Variants in TRAK1 observed in about 807,000 individuals in gnomAD.
TRAK1 encodes the protein trafficking kinesin-binding protein 1.
TRAK1 carries 33 observed loss-of-function variants against 92.1 expected under a neutral mutation model. The ratio of observed to expected loss-of-function variants is 0.36; its 90% CI spans 0.27 to 0.48. The LOEUF (loss-of-function observed/expected upper bound fraction) is 0.48, where lower values mean the gene tolerates loss of function less well. TRAK1 is among the 20% of genes least tolerant of loss of function. The pLI is 0.99. For synonymous variants in TRAK1, 521 were observed against 517.3 expected, an observed-to-expected ratio of 1.01 and a Z score of -0.10; for missense variants, 1,123 against 1,257.9, an observed-to-expected ratio of 0.89 and a Z score of 1.62.
chr3:42,215,138 A>G (rs1387618670), intron 14 of TRAK1, among the ~76,000 whole-genome samples: 1 of 152,186 alleles, frequency 6.6e-6, no homozygotes, highest in Non-Finnish European at 1.5e-5. Flanking sequence ...TTTCCCCCTG[A>G]AAATATCATG....
upstream of TRAK1, chr3:42,013,682 C>T (rs1701396578): frequency 1.4e-5 from 2 of 147,264 alleles, no homozygotes; most frequent in Non-Finnish European, 3.0e-5. The surrounding 1 kb of genome is among the most constrained non-coding windows in gnomAD (Gnocchi z 5.1). Flanking sequence ...CGCGGCGGCG[C>T]CCGCAACAGT....
intron 1 of TRAK1, among the ~76,000 whole-genome samples, chr3:42,045,397 T>C (rs961509547): frequency 4.6e-5 from 7 of 152,092 alleles, no homozygotes; most frequent in African/African-American, 1.2e-4. Flanking sequence ...TAGCCAGGCA[T>C]AGTGGCGCGT....
At chr3:42,198,668 T>G (rs1707096530) in intron 10 of TRAK1, among the ~76,000 whole-genome samples, 1 of 152,018 alleles carries the variant, frequency 6.6e-6, no homozygotes, top group African/African-American at 2.4e-5. Context: ...TTGGAGGCCC[T>G]TGGTCTATTC....
At chr3:42,163,604 G>T (rs1576721207) in intron 2 of TRAK1, among the ~76,000 whole-genome samples, 1 of 151,908 alleles carries the variant, frequency 6.6e-6, no homozygotes, top group Non-Finnish European at 1.5e-5. Flanking sequence ...ACCTTCTTGG[G>T]TCCCACTCCA....
intron 2 of TRAK1, among the ~76,000 whole-genome samples, chr3:42,138,494 C>T (rs577832453): frequency 1.3e-5 from 2 of 151,926 alleles, no homozygotes; most frequent in African/African-American, 2.4e-5. Context: ...AAAAACAAAA[C>T]AAGATTTAAA....
chr3:42,089,678 C>CG (rs201243489), upstream of TRAK1, among the ~76,000 whole-genome samples: 3,134 of 148,752 alleles, frequency 0.021, 121 homozygotes, highest in African/African-American at 0.073. Context: ...TTTTGTGACC[C>CG]CCCCCCAATA....
At chr3:42,023,844 C>T (rs1321772798) in intron 1 of TRAK1, among the ~76,000 whole-genome samples, 2 of 148,236 alleles carry the variant, frequency 1.3e-5, no homozygotes, top group Non-Finnish European at 3.0e-5. Flanking sequence ...GCCTCCGTCT[C>T]CCGGGTTCAA....
At chr3:42,097,149 A>C (rs1410940786) in intron 1 of TRAK1, among the ~76,000 whole-genome samples, 1 of 152,194 alleles carries the variant, frequency 6.6e-6, no homozygotes, top group South Asian at 2.1e-4. Context: ...CTTAGCATAC[A>C]TCCATCATAT....
intron 2 of TRAK1, among the ~76,000 whole-genome samples, chr3:42,131,056 G>A (rs1468283904): frequency 1.3e-5 from 2 of 152,138 alleles, no homozygotes; most frequent in African/African-American, 4.8e-5. Context: ...TTGGTTTTAT[G>A]GGGCAACGAA....
intron 2 of TRAK1, among the ~76,000 whole-genome samples, chr3:42,167,114 G>GC (rs1171861242): frequency 6.6e-6 from 1 of 152,208 alleles, no homozygotes; most frequent in Non-Finnish European, 1.5e-5. Flanking sequence ...GGCTTATCAT[G>GC]CCCCCTCAGG....
intron 1 of TRAK1, among the ~76,000 whole-genome samples, chr3:42,093,491 A>C (rs1308689409): frequency 6.6e-6 from 1 of 151,990 alleles, no homozygotes; most frequent in South Asian, 2.1e-4. Flanking sequence ...TTAAAATGTC[A>C]TTTGTAAGTT....
At chr3:42,186,682 C>T (rs1704904614) in intron 4 of TRAK1, among the ~76,000 whole-genome samples, 1 of 152,216 alleles carries the variant, frequency 6.6e-6, no homozygotes, top group Non-Finnish European at 1.5e-5. Flanking sequence ...CTTCACTATA[C>T]TGTTCTTGCT....
intron 1 of TRAK1, among the ~76,000 whole-genome samples, chr3:42,104,413 C>A (rs1707235031): frequency 6.6e-6 from 1 of 152,336 alleles, no homozygotes; most frequent in South Asian, 2.1e-4. Context: ...GGGTCCCTGA[C>A]CACCGAGTAG....
At chr3:42,199,149 T>G in intron 10 of TRAK1, 28 bp from the exon 11 acceptor site, 1 of 1,612,696 alleles carries the variant, frequency 6.2e-7, no homozygotes, top group Non-Finnish European at 8.5e-7. Context: ...GGCGCTCACT[T>G]GACATTTGTC....
At chr3:42,023,048 C>T (rs920112824) in intron 1 of TRAK1, among the ~76,000 whole-genome samples, 1 of 150,374 alleles carries the variant, frequency 6.7e-6, no homozygotes, top group African/African-American at 2.5e-5. Flanking sequence ...GTCCCAGCTA[C>T]TCAGGAGGCT....
chr3:42,125,182 A>G (rs939579866), intron 1 of TRAK1, among the ~76,000 whole-genome samples: 1 of 151,172 alleles, frequency 6.6e-6, no homozygotes, highest in African/African-American at 2.4e-5. Context: ...TTTCTTCCTA[A>G]ATAGTGGACA....
chr3:42,213,054 ATTTTTTTTTTT>A (rs34073573), intron 14 of TRAK1, among the ~76,000 whole-genome samples: 2 of 113,072 alleles, frequency 1.8e-5, no homozygotes, highest in Non-Finnish European at 1.7e-5. Context: ...TGGAGCTGAG[ATTTTTTTTTTT>A]TTTTTTTTTT....
At chr3:42,027,557 C>A (rs544858044) in intron 1 of TRAK1, among the ~76,000 whole-genome samples, 1 of 151,578 alleles carries the variant, frequency 6.6e-6, no homozygotes, top group Non-Finnish European at 1.5e-5. Flanking sequence ...CTAATCCAGG[C>A]GTTTTTCTTC....
intron 2 of TRAK1, among the ~76,000 whole-genome samples, chr3:42,134,865 C>T (rs1021088726): frequency 6.6e-6 from 1 of 151,896 alleles, no homozygotes; most frequent in Non-Finnish European, 1.5e-5. Flanking sequence ...AGGCATGAGC[C>T]ACTGCACCTG....
Sources: allele counts gnomAD v4.1 joint callset (sites outside exome capture counted in the v4.1 genomes callset), GRCh38; gene constraint gnomAD v4.1.1; non-coding constraint Gnocchi (gnomAD v3.1); transcripts MANE v1.5; gene names NCBI Gene and HGNC (gene_info 2026-07-23, HGNC 2026-07-21).